Variants in ADGRD1 observed in about 807,000 individuals in gnomAD.
ADGRD1 encodes adhesion G protein-coupled receptor D1.
Under a neutral mutation model 113.4 loss-of-function variants are expected in ADGRD1, and 77 were observed. That is an observed-to-expected ratio of 0.68 (90% confidence interval 0.57 to 0.82). The LOEUF (loss-of-function observed/expected upper bound fraction) is 0.82, where lower values mean the gene tolerates loss of function less well. ADGRD1 is among the 40% of genes least tolerant of loss of function. The probability of loss-of-function intolerance (pLI) is 0.00; values close to 1 mark genes in which losing one functional copy is unlikely to be tolerated. For synonymous variants in ADGRD1, 474 were observed against 475.0 expected (o/e 1.00, Z 0.03); for missense variants, 1,036 against 1,139.1 (o/e 0.91, Z 1.30).
chr12:131,107,473 G>C (rs989036265), intron 17 of ADGRD1, among the ~76,000 whole-genome samples: 1 of 150,482 alleles, frequency 6.6e-6, no homozygotes, highest in Non-Finnish European at 1.5e-5. Flanking sequence ...GGCTCTGATG[G>C]GTCCCGCTCT....
intron 2 of ADGRD1, among the ~76,000 whole-genome samples, chr12:130,955,589 T>C (rs892655095): frequency 6.6e-6 from 1 of 152,154 alleles, no homozygotes; most frequent in African/African-American, 2.4e-5. Context: ...AGGCAGTCAC[T>C]GGGCTGTTGC....
Position 131,084,830 on chromosome 12 carries a change from G to A in ADGRD1, c.1671+167G>A, listed in dbSNP as rs909364284. Among the ~76,000 whole-genome samples the A allele has an allele frequency of 2.6e-5, 4 of 152,222 alleles. No homozygotes were observed. The highest frequency in any genetic ancestry group is 5.9e-5 in the Non-Finnish European group (4 of 68,038). ...CATTCTCTTGGCTTCTGTAGTCCAGGGTCCTGCATGTATTGGGTGCCAGCA... is the reference window on the plus strand; with the variant it reads ...CATTCTCTTGGCTTCTGTAGTCCAGAGTCCTGCATGTATTGGGTGCCAGCA... On this transcript the variant is annotated intron_variant, in intron 15 of 24. Coordinates refer to ENST00000261654, the MANE Select transcript of ADGRD1 (RefSeq NM_198827.5). This position sits in a 1 kb window ranked among gnomAD's most constrained non-coding sequence, Gnocchi z 4.5.
intron 21 of ADGRD1, among the ~76,000 whole-genome samples, chr12:131,135,291 T>C (rs58259447): frequency 0.084 from 12,828 of 152,180 alleles, 572 homozygotes; most frequent in Middle Eastern, 0.11. Flanking sequence ...TTCCTTATTA[T>C]ACAATGGGGT....
intron 23 of ADGRD1, chr12:131,137,878 C>A (rs903523762): frequency 2.7e-6 from 1 of 377,150 alleles, no homozygotes; most frequent in Non-Finnish European, 5.0e-6. Context: ...ACACTCACCC[C>A]GGGACATTCA....
intron 13 of ADGRD1, among the ~76,000 whole-genome samples, chr12:131,017,655 C>G (rs1225159909): frequency 2.3e-5 from 3 of 128,944 alleles, no homozygotes; most frequent in African/African-American, 8.9e-5. Flanking sequence ...ACAGACACAC[C>G]CAACACAGAT....
intron 5 of ADGRD1, among the ~76,000 whole-genome samples, chr12:130,982,388 T>C (rs1040919558): frequency 7.9e-5 from 12 of 152,218 alleles, no homozygotes; most frequent in African/African-American, 2.2e-4. Context: ...ACCTCACGGT[T>C]TCCAGGACAT....
intron 15 of ADGRD1, among the ~76,000 whole-genome samples, chr12:131,089,501 T>C (rs892223357): frequency 6.6e-6 from 1 of 152,188 alleles, no homozygotes; most frequent in African/African-American, 2.4e-5. Context: ...CCATTTCAGA[T>C]GCTCCCTGCC....
At chr12:131,046,256 C>G (rs1882735837) in intron 13 of ADGRD1, among the ~76,000 whole-genome samples, 1 of 140,960 alleles carries the variant, frequency 7.1e-6, no homozygotes, top group African/African-American at 2.7e-5. Context: ...TCAGTGTCCT[C>G]CTGGTCAGTG....
intron 20 of ADGRD1, among the ~76,000 whole-genome samples, chr12:131,129,326 G>A (rs1284839924): frequency 7.1e-6 from 1 of 141,354 alleles, no homozygotes; most frequent in Admixed American, 6.9e-5. Flanking sequence ...GGGTGTGAGT[G>A]ACAGGCCTGC....
chr12:131,065,463 C>G (rs1324631485), intron 13 of ADGRD1, among the ~76,000 whole-genome samples: 2 of 152,222 alleles, frequency 1.3e-5, no homozygotes, highest in African/African-American at 4.8e-5. Context: ...CCCACTCCCT[C>G]TGGAGACAGA....
rs757325752 is a variant in ADGRD1, at chr12:131,108,858, C to T, written c.2022C>T (p.Tyr674=). The part of the protein sequence containing the change: ...VFGSEDSKHR[Y]YYGMGWGFPL... ...GGTCGGAGGACAGCAAGCACCGTTA[C>T]TACTATGGGATGGGATGGGGTAGGT... The change falls in exon 18 of 25, where the codon TAC becomes TAT. Residue 674 remains tyrosine (Y), a synonymous_variant. Transcript: ENST00000261654. 1 of 1,605,244 alleles carries T rather than the reference C, an allele frequency of 6.2e-7. No individual in the cohort carries two copies. Among genetic ancestry groups the T allele is most frequent in the Non-Finnish European group, 8.5e-7 (1 of 1,174,942 alleles).
intron 17 of ADGRD1, among the ~76,000 whole-genome samples, chr12:131,107,375 G>A (rs573893633): frequency 2.0e-4 from 31 of 151,428 alleles, no homozygotes; most frequent in Non-Finnish European, 2.9e-4. Flanking sequence ...GATGGGTCCC[G>A]CTCTCCCAGA....
chr12:131,124,258 G>T (rs1451204924), intron 20 of ADGRD1, among the ~76,000 whole-genome samples: 2 of 152,200 alleles, frequency 1.3e-5, no homozygotes, highest in Non-Finnish European at 2.9e-5. Context: ...AACAAGTATA[G>T]CATGACCCCA....
At chr12:131,037,960 C>T (rs1293480069) in intron 13 of ADGRD1, among the ~76,000 whole-genome samples, 5 of 149,834 alleles carry the variant, frequency 3.3e-5, no homozygotes, top group South Asian at 2.1e-4. Flanking sequence ...CTCACTGCAC[C>T]GGGCCCCACT....
intron 5 of ADGRD1, among the ~76,000 whole-genome samples, chr12:130,985,092 G>A (rs1256316607): frequency 8.4e-6 from 1 of 119,192 alleles, no homozygotes; most frequent in African/African-American, 2.9e-5. Flanking sequence ...GTGCCACCAT[G>A]TCTCACTAGT....
chr12:131,043,749 C>T (rs535840821), intron 13 of ADGRD1, among the ~76,000 whole-genome samples: 19 of 152,274 alleles, frequency 1.2e-4, no homozygotes, highest in East Asian at 3.9e-4. Context: ...CGGGCTCGTG[C>T]GGCTGGGGAG....
chr12:130,987,267 G>C lies in ADGRD1; in HGVS notation c.663G>C (p.Glu221Asp). The C allele has an allele frequency of 1.9e-6, 3 of 1,614,232 alleles. No individual in the cohort carries two copies. The highest frequency in any genetic ancestry group is 2.5e-6 in the Non-Finnish European group (3 of 1,180,036). Residue 221 changes from glutamate to aspartate, a missense_variant, in exon 6 of 25, where the codon GAG becomes GAC. Glu to Asp is a conservative substitution (Grantham distance 45). Coordinates refer to ENST00000261654, the MANE Select transcript of ADGRD1 (RefSeq NM_198827.5). Reference sequence around the variant, plus strand: ...AGCAGGACCAGGCCAAGTGTTATGAGAACGGTGCTTTCGATGAGTTCATCA... The same window carrying C: ...AGCAGGACCAGGCCAAGTGTTATGACAACGGTGCTTTCGATGAGTTCATCA... ...GSEQDQAKCY[E>D]NGAFDEFIIW...
chr12:131,048,421 G>T (rs540761510), intron 13 of ADGRD1, among the ~76,000 whole-genome samples: 1 of 152,284 alleles, frequency 6.6e-6, no homozygotes, highest in East Asian at 1.9e-4. Flanking sequence ...CTGCACCCCC[G>T]CTGCTACAGC....
chr12:131,034,298 C>T lies in ADGRD1; in HGVS notation c.1473+19958C>T, dbSNP rs568819998. Among the ~76,000 whole-genome samples, 5 of 152,220 alleles carry T rather than the reference C, an allele frequency of 3.3e-5. No individual in the cohort carries two copies. In the South Asian group the frequency reaches 6.2e-4, roughly 19 times the overall value. ...GCATTCCCACCCCAGGGCCTTTGCACGCCTGTCCTTTTGAATGGAATGCTC... is the reference window on the plus strand; with the variant it reads ...GCATTCCCACCCCAGGGCCTTTGCATGCCTGTCCTTTTGAATGGAATGCTC... On this transcript the variant is annotated intron_variant, in intron 13 of 24. Coordinates refer to ENST00000261654, the MANE Select transcript of ADGRD1 (RefSeq NM_198827.5).
Sources: gnomAD v4.1 joint callset for allele counts (sites outside exome capture counted in the v4.1 genomes callset) on GRCh38, gnomAD v4.1.1 for gene constraint, Gnocchi (gnomAD v3.1) non-coding constraint, MANE v1.5 for transcripts, NCBI Gene and HGNC (gene_info 2026-07-23, HGNC 2026-07-21) for gene names.